Variants in TUBGCP5 observed in about 807,000 individuals in gnomAD.
TUBGCP5 encodes the protein gamma-tubulin complex component 5.
Under a neutral mutation model 134.7 loss-of-function variants are expected in TUBGCP5, and 98 were observed. That is an observed-to-expected ratio of 0.73 (90% CI 0.62 to 0.86). The LOEUF (loss-of-function observed/expected upper bound fraction) is 0.86. Ranked by LOEUF, TUBGCP5 falls within the 40% of genes least tolerant of loss-of-function variation. The pLI, the probability that TUBGCP5 is intolerant of heterozygous loss-of-function variation, is 0.00. For synonymous variants in TUBGCP5, 456 were observed against 431.4 expected (o/e 1.06, Z -0.71); for missense variants, 1,150 against 1,244.8 (o/e 0.92, Z 1.15).
chr15:23,018,077 CTCTT>C (rs1249908254), intron 12 of TUBGCP5, 36 bp from the exon 13 acceptor site: 1 of 1,557,868 alleles, frequency 6.4e-7, no homozygotes, highest in African/African-American at 1.4e-5. Context: ...ACTCTTATTT[CTCTT>C]TCTTAAAAAC....
At chr15:23,036,739 CT>C (rs1567173747) in intron 3 of TUBGCP5, among the ~76,000 whole-genome samples, 157 bp downstream of exon 3, 2 of 152,136 alleles carry the variant, frequency 1.3e-5, no homozygotes, top group Non-Finnish European at 2.9e-5. Context: ...TGAGGCATAT[CT>C]GGTTTGATGG....
chr15:22,999,913 G>GA, intron 22 of TUBGCP5, 47 bp from the exon 23 acceptor site: 7 of 1,597,808 alleles, frequency 4.4e-6, no homozygotes, highest in Non-Finnish European at 1.7e-6. Flanking sequence ...TTTAAATGTT[G>GA]AAAAAAAATT....
In TUBGCP5 at chr15:23,011,226, G is replaced by A; in HGVS notation, c.1862C>T (p.Thr621Ile). ...CTGCATCTTCATCAGGTTCTCCTTG[G>A]TTGCCTGTTGCTCAGTAAGAACCTG... ...TPQVLTEQQATKENLMKMQSI... is the reference protein window; with the variant it reads ...TPQVLTEQQAIKENLMKMQSI... The change falls in exon 14 of 23, where the codon ACC becomes ATC. Residue 621 changes from threonine (T) to isoleucine (I), a missense_variant. Thr to Ile is a moderately conservative substitution (Grantham distance 89). This residue lies in a region of TUBGCP5 where 697 missense variants were observed against 850.1 expected (regional missense o/e 0.82). Coordinates refer to ENST00000615383, the MANE Select transcript of TUBGCP5 (RefSeq NM_052903.6). The A allele has an allele frequency of 6.2e-7, 1 of 1,613,836 alleles. No individual in the cohort carries two copies. Among genetic ancestry groups the A allele is most frequent in the East Asian group, 2.2e-5 (1 of 44,870 alleles).
intron 23 of TUBGCP5, among the ~76,000 whole-genome samples, chr15:22,986,658 A>AACC (rs2063689998): frequency 6.6e-6 from 1 of 152,034 alleles, no homozygotes; most frequent in Non-Finnish European, 1.5e-5. Context: ...GAATCACTTG[A>AACC]ACCCAGGAGG....
At chr15:23,007,159 C>T (rs2064765557) in intron 16 of TUBGCP5, among the ~76,000 whole-genome samples, 1 of 152,130 alleles carries the variant, frequency 6.6e-6, no homozygotes, top group Non-Finnish European at 1.5e-5. Flanking sequence ...CCTGTAATCC[C>T]AGCACTTTGG....
At chr15:22,984,838 T>A (rs1185445530) in intron 23 of TUBGCP5, among the ~76,000 whole-genome samples, 2 of 152,112 alleles carry the variant, frequency 1.3e-5, no homozygotes, top group Non-Finnish European at 2.9e-5. Context: ...AGGCAAGATT[T>A]CTCAAAAATG....
chr15:23,005,544 G>A lies in TUBGCP5; in HGVS notation c.2600C>T (p.Ala867Val). Reference protein sequence around the residue: ...EGLIHEQDTVAQFGPQKEPVR... With the variant: ...EGLIHEQDTVVQFGPQKEPVR... ...TGGTTCTTTTTGTGGTCCGAACTGA[G>A]CAACTGTGTCTTGTTCATGTATAAG... Residue 867 changes from alanine to valine, a missense_variant, in exon 19 of 23, where the codon GCT (alanine) becomes GTT (valine). Physicochemically the swap from Ala to Val is moderately conservative, Grantham distance 64 (BLOSUM62 0). Around this residue, in one of 2 missense-constraint regions of TUBGCP5, gnomAD observed 697 missense variants for 850.1 expected, o/e 0.82. Coordinates refer to ENST00000615383, the MANE Select transcript of TUBGCP5 (RefSeq NM_052903.6). 2 of 1,614,182 alleles carry A rather than the reference G, an allele frequency of 1.2e-6. No individual in the cohort carries two copies. Among genetic ancestry groups the A allele is most frequent in the Non-Finnish European group, 8.5e-7 (1 of 1,180,032 alleles).
chr15:23,024,586 A>G (rs1054264364), intron 9 of TUBGCP5, 151 bp downstream of exon 9: 2 of 529,688 alleles, frequency 3.8e-6, no homozygotes, highest in South Asian at 3.1e-5. Context: ...TTCTTTTTGG[A>G]TATTAAATAT....
At chr15:22,997,343 C>A (rs913332913), downstream of TUBGCP5, among the ~76,000 whole-genome samples, 3 of 151,766 alleles carry the variant, frequency 2.0e-5, no homozygotes, top group Non-Finnish European at 4.4e-5. Context: ...CCACGCCCGG[C>A]TGATTTTTGT....
At chr15:22,997,360 A>G (rs989023924), downstream of TUBGCP5, among the ~76,000 whole-genome samples, 1 of 151,362 alleles carries the variant, frequency 6.6e-6, no homozygotes. Context: ...TTGTATTTTT[A>G]GTAGAGACGG....
chr15:23,021,285 T>C (rs2140543076), intron 11 of TUBGCP5, among the ~76,000 whole-genome samples: 1 of 152,274 alleles, frequency 6.6e-6, no homozygotes, highest in South Asian at 2.1e-4. Flanking sequence ...TTTGTATTTT[T>C]TAAAATACAA....
chr15:22,986,134 A>AC (rs2063671892), intron 23 of TUBGCP5, among the ~76,000 whole-genome samples: 3 of 101,126 alleles, frequency 3.0e-5, no homozygotes, highest in Non-Finnish European at 6.6e-5. Flanking sequence ...ACTCTGTCTC[A>AC]AAAAAAAAAA....
chr15:22,984,673 C>T (rs1225265385), intron 23 of TUBGCP5, among the ~76,000 whole-genome samples: 5 of 151,864 alleles, frequency 3.3e-5, no homozygotes, highest in African/African-American at 1.2e-4. Context: ...AACTGCATAA[C>T]GATGTACAAA....
At chr15:22,987,758 T>C (rs1324623756) in intron 23 of TUBGCP5, among the ~76,000 whole-genome samples, 9 of 150,644 alleles carry the variant, frequency 6.0e-5, no homozygotes, top group African/African-American at 9.8e-5. Context: ...TAGCCGGGCG[T>C]GGTGGCGGGT....
At chr15:23,005,355 A>G in intron 19 of TUBGCP5, 77 bp downstream of exon 19, 1 of 1,489,790 alleles carries the variant, frequency 6.7e-7, no homozygotes, top group Non-Finnish European at 9.1e-7. Flanking sequence ...TTACTTATAA[A>G]CATAGTATGA....
chr15:23,004,134 T>C lies in TUBGCP5; in HGVS notation c.2806A>G (p.Thr936Ala), dbSNP rs751744028. 1 of 1,612,712 alleles carries C rather than the reference T, an allele frequency of 6.2e-7. No homozygotes were observed. The highest frequency in any genetic ancestry group is 1.1e-5 in the South Asian group (1 of 90,504). Residue 936 changes from threonine to alanine, a missense_variant, in exon 20 of 23, where the codon ACC (threonine) becomes GCC (alanine). Physicochemically the swap from Thr to Ala is moderately conservative, Grantham distance 58. Around this residue, in one of 2 missense-constraint regions of TUBGCP5, gnomAD observed 697 missense variants for 850.1 expected, o/e 0.82. Transcript: ENST00000615383. The part of the protein sequence containing the change: ...LIKIHYRYLS[T>A]IHDRCLLREK... ...CTCAGCAGACACCGGTCATGGATGG[T>C]TGACAGATACCTATAGTGAATTTTA...
intron 4 of TUBGCP5, 112 bp downstream of exon 4, chr15:23,032,616 T>A (rs2066376499): frequency 1.5e-6 from 1 of 674,280 alleles, no homozygotes; most frequent in South Asian, 3.1e-5. Context: ...GCAATAGAAA[T>A]ACTTTAGTTT....
intron 23 of TUBGCP5, among the ~76,000 whole-genome samples, chr15:22,991,854 A>AG (rs1254419190): frequency 6.6e-6 from 1 of 152,168 alleles, no homozygotes; most frequent in Non-Finnish European, 1.5e-5. Flanking sequence ...CTTCATGCAT[A>AG]GTTATGATGA....
In TUBGCP5 at chr15:23,011,169, T is replaced by G. The variant is rs748531120; in HGVS notation, c.1919A>C (p.Asp640Ala). The G allele has an allele frequency of 6.2e-7, 1 of 1,614,046 alleles. No individual in the cohort carries two copies. The highest frequency in any genetic ancestry group is 8.5e-7 in the Non-Finnish European group (1 of 1,180,006). Residue 640 changes from aspartate to alanine, a missense_variant, in exon 14 of 23, where the codon GAT becomes GCT. Asp to Ala is a moderately radical substitution (Grantham distance 126). This residue lies in a region of TUBGCP5 where 697 missense variants were observed against 850.1 expected (regional missense o/e 0.82). Coordinates refer to ENST00000615383, the MANE Select transcript of TUBGCP5 (RefSeq NM_052903.6). ...SIAESHLELD[D>A]VHDPLLAINF... ...AATGGCAAGCAGTGGATCATGAACA[T>G]CATCCAGTTCAAGATGGCTTTCAGC...
Sources: allele counts gnomAD v4.1 joint callset (sites outside exome capture counted in the v4.1 genomes callset), GRCh38; gene constraint gnomAD v4.1.1; regional missense constraint gnomAD v4.1.1; transcripts MANE v1.5; gene names NCBI Gene and HGNC (gene_info 2026-07-23, HGNC 2026-07-21).